Variants in NRXN3 observed in about 807,000 individuals in gnomAD.
NRXN3 encodes the protein neurexin 3, also known as neurexin III.
Under a neutral mutation model 137.6 loss-of-function variants are expected in NRXN3, and 32 were observed. That is an observed-to-expected ratio of 0.23 (90% CI 0.18 to 0.31). The LOEUF is 0.31. NRXN3 is among the 10% of genes least tolerant of loss of function. The pLI, the probability that NRXN3 is intolerant of heterozygous loss-of-function variation, is 1.00. For missense variants in NRXN3, 1,574 were observed against 2,062.5 expected (o/e 0.76, Z 4.59); for synonymous variants, 798 against 784.5 (o/e 1.02, Z -0.29).
intron 20 of NRXN3, among the ~76,000 whole-genome samples, chr14:79,838,714 TGCTA>T (rs563306151): frequency 1.6e-4 from 24 of 152,208 alleles, no homozygotes; most frequent in Non-Finnish European, 3.2e-4. Context: ...GCTGCTGCCA[TGCTA>T]GTGTCCACCC....
At chr14:79,190,863 G>A (rs2064201773) in intron 15 of NRXN3, among the ~76,000 whole-genome samples, 1 of 152,146 alleles carries the variant, frequency 6.6e-6, no homozygotes, top group Non-Finnish European at 1.5e-5. Flanking sequence ...AAGAAACTAT[G>A]TTGTAGCAGA....
Position 79,479,004 on chromosome 14 carries a change from A to T in NRXN3, c.3444+11602A>T, listed in dbSNP as rs540997198. Among the ~76,000 whole-genome samples the T allele has an allele frequency of 4.6e-5, 7 of 152,266 alleles. No individual in the cohort carries two copies. In the East Asian group the frequency reaches 1.4e-3, roughly 29 times the overall value. On this transcript the variant is annotated intron_variant, in intron 16 of 20. Transcript: ENST00000335750. ...GCAATTCGGATTTAAATCATACTGC[A>T]GTTTCCTAAATAGAACAAATCCCCT...
chr14:78,751,883 T>A (rs1299946915), intron 8 of NRXN3, among the ~76,000 whole-genome samples: 1 of 152,098 alleles, frequency 6.6e-6, no homozygotes, highest in Non-Finnish European at 1.5e-5. Flanking sequence ...TAATAAGACC[T>A]CCAGGTGATT....
At chr14:79,749,698 C>T (rs911533406) in intron 19 of NRXN3, among the ~76,000 whole-genome samples, 2 of 152,248 alleles carry the variant, frequency 1.3e-5, no homozygotes, top group African/African-American at 4.8e-5. Context: ...TTTGTCACCC[C>T]TCACCACATT....
chr14:78,457,857 G>T (rs2094794995), intron 4 of NRXN3, among the ~76,000 whole-genome samples: 1 of 152,146 alleles, frequency 6.6e-6, no homozygotes, highest in African/African-American at 2.4e-5. Context: ...AGCAATCAAG[G>T]TGATCTCTTG....
At chr14:78,242,365 CCTT>C (rs946783032) in intron 1 of NRXN3, 23 bp from the exon 2 acceptor site, 1 of 152,254 alleles carries the variant, frequency 6.6e-6, no homozygotes, top group African/African-American at 2.4e-5. Flanking sequence ...ATCTTCCTCT[CCTT>C]CTCCCTCCCC....
chr14:78,419,179 G>A (rs2093313139), intron 4 of NRXN3, among the ~76,000 whole-genome samples: 1 of 152,192 alleles, frequency 6.6e-6, no homozygotes. Context: ...TTCATGGTGG[G>A]ACCTGAGTTC....
At chr14:78,256,038 A>G (rs889681824) in intron 2 of NRXN3, among the ~76,000 whole-genome samples, 3 of 152,100 alleles carry the variant, frequency 2.0e-5, no homozygotes, top group Admixed American at 1.3e-4. Context: ...GCACATACAC[A>G]TTCCGCTTGG....
At chr14:79,785,653 C>G (rs754720782) in intron 19 of NRXN3, among the ~76,000 whole-genome samples, 6 of 152,044 alleles carry the variant, frequency 3.9e-5, no homozygotes, top group Non-Finnish European at 8.8e-5. Context: ...AAACACTTAC[C>G]TACTTAATTA....
intron 15 of NRXN3, among the ~76,000 whole-genome samples, chr14:79,051,357 G>T (rs1213583840): frequency 6.6e-6 from 1 of 152,142 alleles, no homozygotes; most frequent in Non-Finnish European, 1.5e-5. Flanking sequence ...ACAAAAAAAA[G>T]TTATTTTCAT....
chr14:78,488,765 TGAA>T (rs1362761748), intron 4 of NRXN3, among the ~76,000 whole-genome samples: 4 of 119,928 alleles, frequency 3.3e-5, no homozygotes, highest in Non-Finnish European at 3.3e-5. Context: ...AGGAGGAGGA[TGAA>T]GAAGAAGAAA....
intron 15 of NRXN3, among the ~76,000 whole-genome samples, chr14:79,266,646 T>C (rs1039289428): frequency 6.6e-6 from 1 of 152,174 alleles, no homozygotes; most frequent in Admixed American, 6.5e-5. Flanking sequence ...TGTACATCTC[T>C]AGCCATCAAC....
chr14:78,669,390 A>T (rs561321751), intron 6 of NRXN3, among the ~76,000 whole-genome samples: 1 of 152,270 alleles, frequency 6.6e-6, no homozygotes, highest in East Asian at 1.9e-4. Context: ...GCAAATTTTT[A>T]AGAGAGTAAA....
intron 20 of NRXN3, among the ~76,000 whole-genome samples, chr14:79,846,063 A>G (rs1216927636): frequency 1.3e-5 from 2 of 152,126 alleles, no homozygotes; most frequent in Admixed American, 6.5e-5. Context: ...AGTAACATCA[A>G]AGATCACAGA....
intron 2 of NRXN3, among the ~76,000 whole-genome samples, chr14:78,267,988 A>G (rs1309805031): frequency 6.6e-6 from 1 of 152,178 alleles, no homozygotes; most frequent in East Asian, 1.9e-4. Context: ...GATGAGAACA[A>G]AAAAAGGGTG....
At chr14:78,466,508 A>G (rs1246093781) in intron 4 of NRXN3, among the ~76,000 whole-genome samples, 1 of 152,232 alleles carries the variant, frequency 6.6e-6, no homozygotes, top group Non-Finnish European at 1.5e-5. Context: ...AAATTGCTGG[A>G]CTAGAGTGTG....
At chr14:78,294,325 C>T (rs963789725) in intron 3 of NRXN3, among the ~76,000 whole-genome samples, 16 of 152,198 alleles carry the variant, frequency 1.1e-4, no homozygotes, top group African/African-American at 2.4e-4. Flanking sequence ...AAGGCTGCAG[C>T]GGGCAGATCA....
At chr14:79,604,807 G>A (rs763962857) in intron 16 of NRXN3, among the ~76,000 whole-genome samples, 23 of 152,018 alleles carry the variant, frequency 1.5e-4, no homozygotes, top group Non-Finnish European at 2.2e-4. Context: ...TGAGGCGGGC[G>A]GATCACTTGA....
At chr14:78,466,977 C>G (rs977014613) in intron 4 of NRXN3, among the ~76,000 whole-genome samples, 19 of 152,082 alleles carry the variant, frequency 1.2e-4, no homozygotes, top group African/African-American at 4.3e-4. Context: ...GCACATGTAC[C>G]CCTGCACTTA....
Sources: gnomAD v4.1 joint callset for allele counts (sites outside exome capture counted in the v4.1 genomes callset) on GRCh38, gnomAD v4.1.1 for gene constraint, MANE v1.5 for transcripts, NCBI Gene and HGNC (gene_info 2026-07-23, HGNC 2026-07-21) for gene names.